ALPL: variants seen among roughly 807,000 people sequenced by gnomAD.
The protein encoded by ALPL is alkaline phosphatase, biomineralization associated.
Under a neutral mutation model 51.3 loss-of-function variants are expected in ALPL, and 42 were observed. The ratio of observed to expected loss-of-function variants is 0.82; its 90% CI spans 0.64 to 1.06. The LOEUF is 1.06. ALPL is among the 50% of genes least tolerant of loss of function. ALPL has a pLI of 0.00. For missense variants in ALPL, 589 were observed against 709.4 expected (o/e 0.83, Z 1.93); for synonymous variants, 279 against 296.4 (o/e 0.94, Z 0.60).
Position 21,563,112 on chromosome 1 carries a change from G to A in ALPL, c.300G>A (p.Thr100=), listed in dbSNP as rs191778470. Residue 100 remains threonine, a splice_region_variant and synonymous_variant, in exon 5 of 12, where the codon ACG becomes ACA. Transcript: ENST00000374840. ...DKFPFVALSK[T]YNTNAQVPDS... is the part of the protein sequence containing the mutation. ...TGACCCTCCTCTCCCACCTGCAGAC[G>A]TACAACACCAATGCCCAGGTCCCTG... 1.1e-5 allele frequency: 17 copies of A among 1,613,556 alleles called. No homozygotes were observed. The highest frequency in any genetic ancestry group is 1.6e-4 in the Middle Eastern group (1 of 6,062).
chr1:21,573,515 T>A, intron 8 of ALPL, 150 bp from the exon 9 acceptor site: 2 of 857,274 alleles, frequency 2.3e-6, no homozygotes, highest in Admixed American at 2.4e-5. Context: ...CCCACAAAAA[T>A]CACCCAGATA....
At chr1:21,550,954 G>A (rs952171904) in intron 1 of ALPL, among the ~76,000 whole-genome samples, 2 of 152,164 alleles carry the variant, frequency 1.3e-5, no homozygotes, top group Non-Finnish European at 2.9e-5. Context: ...CAGTTTTGAA[G>A]CCATTATAAA....
chr1:21,560,537 C>T, intron 2 of ALPL, 89 bp from the exon 3 acceptor site: 1 of 1,549,856 alleles, frequency 6.5e-7, no homozygotes, highest in Non-Finnish European at 8.8e-7. Flanking sequence ...GGCATTCCAG[C>T]CTGAGCAATC....
intron 1 of ALPL, among the ~76,000 whole-genome samples, chr1:21,526,880 C>T (rs552565675): frequency 6.6e-6 from 1 of 152,072 alleles, no homozygotes; most frequent in South Asian, 2.1e-4. Flanking sequence ...TTCTCATGTC[C>T]CTTGCTCCCC....
At chr1:21,535,248 C>T (rs950984903) in intron 1 of ALPL, among the ~76,000 whole-genome samples, 1 of 152,180 alleles carries the variant, frequency 6.6e-6, no homozygotes, top group African/African-American at 2.4e-5. Context: ...CCCATGAAAG[C>T]ATTTGGGGTC....
intron 1 of ALPL, among the ~76,000 whole-genome samples, chr1:21,535,126 A>G (rs1644081247): frequency 6.6e-6 from 1 of 152,236 alleles, no homozygotes; most frequent in South Asian, 2.1e-4. Flanking sequence ...TGAATAACAT[A>G]TAGGGAAAGC....
Position 21,554,109 on chromosome 1 carries a change from A to T in ALPL, c.28A>T (p.Ile10Phe), listed in dbSNP as rs987088751. The T allele has an allele frequency of 2.6e-6, 4 of 1,566,770 alleles. No homozygotes were observed. The highest frequency in any genetic ancestry group is 1.4e-5 in the African/African-American group (1 of 72,656). MISPFLVLA[I>F]GTCLTNSLVP... ...GATTTCACCATTCTTAGTACTGGCC[A>T]TTGGCACCTGCCTTACTAACTCCTT... Residue 10 changes from isoleucine (I) to phenylalanine (F), a missense_variant, in exon 2 of 12, where the codon ATT becomes TTT. Ile to Phe is a conservative substitution (Grantham distance 21). Transcript: ENST00000374840.
intron 1 of ALPL, among the ~76,000 whole-genome samples, chr1:21,513,234 C>G (rs561348638): frequency 6.6e-6 from 1 of 152,226 alleles, no homozygotes; most frequent in Non-Finnish European, 1.5e-5. Context: ...GGAGAAGAGG[C>G]TTGCCCAGGG....
intron 7 of ALPL, among the ~76,000 whole-genome samples, chr1:21,569,802 G>C (rs1487965887): frequency 6.6e-6 from 1 of 152,168 alleles, no homozygotes; most frequent in African/African-American, 2.4e-5. Flanking sequence ...ATTCCCTGGG[G>C]AAACAGCCAC....
At chr1:21,532,275 T>G (rs1258075573) in intron 1 of ALPL, among the ~76,000 whole-genome samples, 1 of 152,170 alleles carries the variant, frequency 6.6e-6, no homozygotes, top group Non-Finnish European at 1.5e-5. Context: ...TGCTGCAACC[T>G]CTGCCTCCCA....
chr1:21,535,238 C>T (rs1644082835), intron 1 of ALPL, among the ~76,000 whole-genome samples: 1 of 152,200 alleles, frequency 6.6e-6, no homozygotes, highest in Non-Finnish European at 1.5e-5. Flanking sequence ...GACGAGGTCT[C>T]CCATGAAAGC....
At chr1:21,567,500 A>T (rs1032230246) in intron 6 of ALPL, among the ~76,000 whole-genome samples, 6 of 151,814 alleles carry the variant, frequency 4.0e-5, no homozygotes, top group Non-Finnish European at 8.8e-5. Context: ...TGCCCCAAAG[A>T]CCTCCCTGGC....
At chr1:21,568,347 C>A in intron 7 of ALPL, 100 bp downstream of exon 7, 3 of 1,526,770 alleles carry the variant, frequency 2.0e-6, no homozygotes, top group South Asian at 2.4e-5. Flanking sequence ...GTAGAAAGGG[C>A]ATCGGAAATC....
chr1:21,551,719 G>GTTTTTTTTTTTTTTT (rs397861981), intron 1 of ALPL, among the ~76,000 whole-genome samples: 4 of 61,442 alleles, frequency 6.5e-5, no homozygotes, highest in Non-Finnish European at 8.9e-5. Context: ...AGCTTGCGTG[G>GTTTTTTTTTTTTTTT]TTTTTTTTTT....
intron 1 of ALPL, among the ~76,000 whole-genome samples, chr1:21,521,850 T>G (rs919242823): frequency 6.6e-6 from 1 of 152,182 alleles, no homozygotes; most frequent in African/African-American, 2.4e-5. Flanking sequence ...ATAATAATAA[T>G]AGTCATAGCT....
At chr1:21,527,178 A>G (rs896739875) in intron 1 of ALPL, among the ~76,000 whole-genome samples, 19 of 151,850 alleles carry the variant, frequency 1.3e-4, no homozygotes, top group African/African-American at 4.1e-4. Context: ...GATTACAGGC[A>G]TGCACCACCA....
At position 21,554,161 on chromosome 1, in the gene ALPL, G is replaced by C. The variant is rs754231482; in HGVS notation, c.61+19G>C. ...GTGCCAGGTATGCTTGGGGACACAG[G>C]TGGAGGCATAAAAAGGTGGTGCAGA... On this transcript the variant is annotated intron_variant, in intron 2 of 11. Coordinates refer to ENST00000374840, the MANE Select transcript of ALPL (RefSeq NM_000478.6). 1 of 1,613,174 alleles carries C rather than the reference G, an allele frequency of 6.2e-7. No homozygotes were observed.
upstream of ALPL, chr1:21,509,304 GCGGGGCCGGGGC>G (rs1461980975): frequency 6.7e-6 from 1 of 148,810 alleles, no homozygotes; most frequent in Non-Finnish European, 1.5e-5. This position sits in a 1 kb window ranked among gnomAD's most constrained non-coding sequence, Gnocchi z 6.0. Flanking sequence ...CGGGCCGGGG[GCGGGGCCGGGGC>G]CGGGCTGGGG....
chr1:21,527,030 TTTCTTTTC>T (rs1468923804), intron 1 of ALPL, among the ~76,000 whole-genome samples: 1 of 150,246 alleles, frequency 6.7e-6, no homozygotes, highest in Non-Finnish European at 1.5e-5. Context: ...TTTCTTTTCT[TTTCTTTTC>T]TTTTCTTTCT....
Sources: gnomAD v4.1 joint callset for allele counts (sites outside exome capture counted in the v4.1 genomes callset) on GRCh38, gnomAD v4.1.1 for gene constraint, Gnocchi (gnomAD v3.1) non-coding constraint, MANE v1.5 for transcripts, NCBI Gene and HGNC (gene_info 2026-07-23, HGNC 2026-07-21) for gene names.